ASIC2: variants seen among roughly 807,000 people sequenced by gnomAD.
The protein encoded by ASIC2 is acid-sensing ion channel 2.
In ASIC2, 25 loss-of-function variants were observed where a neutral mutation model predicts 57.3. The ratio of observed to expected loss-of-function variants is 0.44; its 90% CI spans 0.32 to 0.61. The LOEUF (loss-of-function observed/expected upper bound fraction) is 0.61. ASIC2 is among the 20% of genes least tolerant of loss of function. The pLI is 0.06. For synonymous variants in ASIC2, 319 were observed against 307.5 expected, an observed-to-expected ratio of 1.04 and a Z score of -0.39; for missense variants, 641 against 738.1, an observed-to-expected ratio of 0.87 and a Z score of 1.52.
At chr17:33,985,152 G>A (rs1028100603) in intron 1 of ASIC2, among the ~76,000 whole-genome samples, 1 of 152,178 alleles carries the variant, frequency 6.6e-6, no homozygotes, top group Non-Finnish European at 1.5e-5. Context: ...AAGGCATGGA[G>A]GGATGTGAGT....
chr17:33,096,474 A>G (rs539277828), intron 2 of ASIC2, among the ~76,000 whole-genome samples: 1 of 152,326 alleles, frequency 6.6e-6, no homozygotes, highest in African/African-American at 2.4e-5. Flanking sequence ...TGGCTGCTAA[A>G]TGGATACCTG....
At chr17:33,659,252 C>T (rs191415546) in intron 1 of ASIC2, among the ~76,000 whole-genome samples, 520 of 152,282 alleles carry the variant, frequency 3.4e-3, no homozygotes, top group Non-Finnish European at 3.7e-3. Context: ...CTTTGCCTGA[C>T]TCGAGATCCT....
chr17:33,719,215 C>T (rs1440805963), intron 1 of ASIC2, among the ~76,000 whole-genome samples: 6 of 152,116 alleles, frequency 3.9e-5, no homozygotes, highest in Non-Finnish European at 5.9e-5. Context: ...GCCTTCAGTT[C>T]GCATCTGAAA....
chr17:33,489,212 A>G (rs547708551), intron 1 of ASIC2, among the ~76,000 whole-genome samples: 2 of 152,168 alleles, frequency 1.3e-5, no homozygotes, highest in African/African-American at 4.8e-5. Context: ...GTATAACTAA[A>G]AGCCACCATT....
chr17:34,094,882 T>G (rs1472830753), intron 1 of ASIC2, among the ~76,000 whole-genome samples: 1 of 152,216 alleles, frequency 6.6e-6, no homozygotes, highest in Non-Finnish European at 1.5e-5. Flanking sequence ...CCTTTTGAGA[T>G]TCTCATGCTG....
In ASIC2 at chr17:33,301,009, C is replaced by T. The variant is rs551647075; in HGVS notation, c.556-188942G>A. Reference sequence around the variant, plus strand: ...CATGATTTAACTCATTCTTTTTATTCATTTATTTATTTATTTATTTATTTA... The same window carrying T: ...CATGATTTAACTCATTCTTTTTATTTATTTATTTATTTATTTATTTATTTA... On this transcript the variant is annotated intron_variant, in intron 1 of 9. Transcript: ENST00000359872. 3.2e-3 allele frequency among the ~76,000 whole-genome samples: 472 copies of T among 149,552 alleles called. 3 individuals carry two copies. The highest frequency in any genetic ancestry group is 9.6e-3 in the African/African-American group (389 of 40,600).
intron 1 of ASIC2, among the ~76,000 whole-genome samples, chr17:33,453,191 A>C (rs1403136823): frequency 6.6e-6 from 1 of 151,874 alleles, no homozygotes; most frequent in Non-Finnish European, 1.5e-5. Context: ...GTATTAGAGA[A>C]AGCCTGTGTT....
chr17:33,073,777 G>T (rs2092078752), intron 3 of ASIC2, among the ~76,000 whole-genome samples: 1 of 152,240 alleles, frequency 6.6e-6, no homozygotes, highest in South Asian at 2.1e-4. Flanking sequence ...AACTGGGCTA[G>T]AGATGATCAT....
At chr17:33,697,026 G>T (rs1908549206) in intron 1 of ASIC2, among the ~76,000 whole-genome samples, 1 of 152,108 alleles carries the variant, frequency 6.6e-6, no homozygotes, top group Non-Finnish European at 1.5e-5. Flanking sequence ...CCTCACAATA[G>T]TGAGTTCTCC....
chr17:33,791,180 T>C (rs1364308981), intron 1 of ASIC2, among the ~76,000 whole-genome samples: 2 of 152,178 alleles, frequency 1.3e-5, no homozygotes, highest in African/African-American at 4.8e-5. Context: ...AGGATTTATG[T>C]CAAAGTCATA....
At chr17:33,094,809 T>C (rs1383033350) in intron 2 of ASIC2, among the ~76,000 whole-genome samples, 3 of 152,198 alleles carry the variant, frequency 2.0e-5, no homozygotes, top group African/African-American at 7.2e-5. Context: ...TCCCCAGAGA[T>C]AGAGTGCCTG....
intron 1 of ASIC2, among the ~76,000 whole-genome samples, chr17:33,718,938 A>T (rs541600730): frequency 6.6e-6 from 1 of 152,324 alleles, no homozygotes; most frequent in South Asian, 2.1e-4. Context: ...GATCTGGGTC[A>T]TCAACCAAAA....
intron 1 of ASIC2, among the ~76,000 whole-genome samples, chr17:33,334,749 A>T (rs758849796): frequency 1.3e-5 from 2 of 152,224 alleles, no homozygotes; most frequent in Non-Finnish European, 2.9e-5. Context: ...CTTGTGTGTC[A>T]TCCTCTCTTG....
At chr17:33,227,372 C>T (rs1597639934) in intron 1 of ASIC2, among the ~76,000 whole-genome samples, 1 of 152,218 alleles carries the variant, frequency 6.6e-6, no homozygotes, top group South Asian at 2.1e-4. Context: ...CCCCTCCTGC[C>T]TGCAGCTCCA....
chr17:33,878,182 A>C (rs1401506303), intron 1 of ASIC2, among the ~76,000 whole-genome samples: 1 of 152,228 alleles, frequency 6.6e-6, no homozygotes, highest in Admixed American at 6.5e-5. Context: ...AAAACTGAAA[A>C]TTATAAAAAT....
chr17:34,077,955 T>C (rs961708989), intron 1 of ASIC2, among the ~76,000 whole-genome samples: 40 of 152,096 alleles, frequency 2.6e-4, no homozygotes, highest in African/African-American at 9.2e-4. Flanking sequence ...CTCCAGGACA[T>C]CCTGGGTTAA....
chr17:33,806,540 T>C (rs896282700), intron 1 of ASIC2, among the ~76,000 whole-genome samples: 1 of 152,228 alleles, frequency 6.6e-6, no homozygotes, highest in Non-Finnish European at 1.5e-5. Context: ...TATTGTAACA[T>C]GTTAAGGAGC....
intron 1 of ASIC2, among the ~76,000 whole-genome samples, chr17:33,155,564 C>CTTTTT (rs558082080): frequency 5.3e-4 from 69 of 130,754 alleles, no homozygotes; most frequent in Non-Finnish European, 7.8e-4. Context: ...TTCTTTCTTT[C>CTTTTT]TTTTTTTTTT....
At position 33,071,314 on chromosome 17, in the gene ASIC2, A is replaced by C. The variant is rs551136091; in HGVS notation, c.987+17549T>G. Among the ~76,000 whole-genome samples the C allele has an allele frequency of 2.0e-5, 3 of 152,250 alleles. No individual in the cohort carries two copies. In the South Asian group the frequency reaches 6.2e-4, roughly 32 times the overall value. On this transcript the variant is annotated intron_variant, in intron 3 of 9. Coordinates refer to ENST00000225823, the MANE Select transcript of ASIC2 (RefSeq NM_183377.2). The stretch of plus-strand genomic sequence containing the variant: ...AATCCTTGTTTTTCTATTTCATTTC[A>C]ATCTCCTCAAGTTAACTAATCTTTT...
Sources: gnomAD v4.1 joint callset for allele counts (sites outside exome capture counted in the v4.1 genomes callset) on GRCh38, gnomAD v4.1.1 for gene constraint, MANE v1.5 for transcripts, NCBI Gene and HGNC (gene_info 2026-07-23, HGNC 2026-07-21) for gene names.